The following VAV2 variants were observed in gnomAD, a reference collection of about 807,000 sequenced individuals.
VAV2 encodes vav guanine nucleotide exchange factor 2.
Under a neutral mutation model 132.5 loss-of-function variants are expected in VAV2, and 67 were observed. The ratio of observed to expected loss-of-function variants is 0.51; its 90% CI spans 0.42 to 0.62. The LOEUF (loss-of-function observed/expected upper bound fraction) is 0.62, where lower values mean the gene tolerates loss of function less well. Among genes scored for constraint, VAV2 ranks in the 20% least tolerant of loss-of-function variants. The pLI is 0.00. For missense variants in VAV2, 938 were observed against 1,153.6 expected, an observed-to-expected ratio of 0.81 and a Z score of 2.71; for synonymous variants, 492 against 443.5, an observed-to-expected ratio of 1.11 and a Z score of -1.37.
At chr9:133,790,496 C>T (rs1374425158) in intron 13 of VAV2, among the ~76,000 whole-genome samples, 1 of 152,148 alleles carries the variant, frequency 6.6e-6, no homozygotes, top group Non-Finnish European at 1.5e-5. Context: ...GTTTAATGAA[C>T]AAGTATTACT....
At chr9:133,895,603 C>T (rs1288166452) in intron 2 of VAV2, among the ~76,000 whole-genome samples, 1 of 151,772 alleles carries the variant, frequency 6.6e-6, no homozygotes, top group African/African-American at 2.4e-5. Context: ...CAGGCAAATC[C>T]ACAGCAATTT....
At chr9:133,782,338 G>C (rs1205158505) in intron 19 of VAV2, among the ~76,000 whole-genome samples, 1 of 152,142 alleles carries the variant, frequency 6.6e-6, no homozygotes, top group African/African-American at 2.4e-5. Flanking sequence ...GCGACCACGA[G>C]AGGGCAGTAT....
chr9:133,768,717 GAGGA>G lies in VAV2; in HGVS notation c.2435-125_2435-122del, dbSNP rs1015443117. 2.3e-5 allele frequency: 29 copies of G among 1,268,916 alleles called. No homozygotes were observed. Among genetic ancestry groups the G allele is most frequent in the African/African-American group, 7.5e-5 (5 of 66,530 alleles). The allele number at this position is 1,268,916 out of a possible 1,614,324, so 78.6% of individuals were successfully genotyped here. A position where few individuals can be genotyped will look rare whatever the true frequency, so the allele number is the denominator to read the frequency against. On this transcript the variant is annotated intron_variant, in intron 28 of 29. Coordinates refer to ENST00000371850, the MANE Select transcript of VAV2 (RefSeq NM_001134398.2). The surrounding 1 kb of genome is among the most constrained non-coding windows in gnomAD (Gnocchi z 5.3). The stretch of plus-strand genomic sequence containing the variant: ...CCCAGAACCCTGCTCTGTACCCAGA[GAGGA>G]AGGATGTCAAGCAGAAAGGCTCTGG...
intron 25 of VAV2, among the ~76,000 whole-genome samples, chr9:133,773,771 T>C (rs780860981): frequency 6.6e-6 from 1 of 152,190 alleles, no homozygotes; most frequent in Non-Finnish European, 1.5e-5. Flanking sequence ...AGGAGTATGC[T>C]CTAAAATAAA....
chr9:133,858,325 T>TGAGG (rs1305736546), intron 3 of VAV2, among the ~76,000 whole-genome samples: 1 of 152,138 alleles, frequency 6.6e-6, no homozygotes, highest in Admixed American at 6.5e-5. Flanking sequence ...CGGCCACCAG[T>TGAGG]GAGGACCCGC....
At chr9:133,789,044 G>C (rs1179574661) in intron 14 of VAV2, among the ~76,000 whole-genome samples, 1 of 152,236 alleles carries the variant, frequency 6.6e-6, no homozygotes, top group Non-Finnish European at 1.5e-5. Flanking sequence ...GCCCAGCCTG[G>C]TGCCCGCCAC....
Position 133,866,444 on chromosome 9 carries a change from G to T in VAV2, c.322-5012C>A, listed in dbSNP as rs530283327. On this transcript the variant is annotated intron_variant, in intron 2 of 29. Transcript: ENST00000371850. Reference sequence around the variant, plus strand: ...AATCACCATGAGCCTGCAGCCCATCGGTGGGAGTGAGGACACGCCTACTCA... The same window carrying T: ...AATCACCATGAGCCTGCAGCCCATCTGTGGGAGTGAGGACACGCCTACTCA... 7.3e-4 allele frequency among the ~76,000 whole-genome samples: 111 copies of T among 152,256 alleles called. 2 individuals are homozygous for T. Among genetic ancestry groups the T allele is most frequent in the African/African-American group, 2.5e-3 (104 of 41,544 alleles).
At chr9:133,947,975 G>A (rs896598255) in intron 1 of VAV2, among the ~76,000 whole-genome samples, 1 of 152,054 alleles carries the variant, frequency 6.6e-6, no homozygotes, top group Non-Finnish European at 1.5e-5. Context: ...ATTTTTAGTA[G>A]AGACAGGCTT....
At chr9:133,955,813 C>A (rs1237148191) in intron 1 of VAV2, among the ~76,000 whole-genome samples, 1 of 73,512 alleles carries the variant, frequency 1.4e-5, no homozygotes, top group African/African-American at 6.6e-5. Flanking sequence ...CACTCCTACT[C>A]CTCCCCACTC....
chr9:133,782,075 G>C (rs549517759), intron 19 of VAV2, among the ~76,000 whole-genome samples: 1 of 150,846 alleles, frequency 6.6e-6, no homozygotes, highest in Non-Finnish European at 1.5e-5. Context: ...AATTTTCTAC[G>C]GAAAATCAGT....
At chr9:133,941,402 C>T (rs1486687053) in intron 1 of VAV2, among the ~76,000 whole-genome samples, 7 of 115,844 alleles carry the variant, frequency 6.0e-5, no homozygotes, top group Non-Finnish European at 1.3e-4. Flanking sequence ...AGCGAGACTC[C>T]GTCTCAAAAA....
chr9:133,961,514 G>A lies in VAV2; in HGVS notation c.205-22295C>T, dbSNP rs1043779480. On this transcript the variant is annotated intron_variant, in intron 1 of 29. Coordinates refer to ENST00000371850, the MANE Select transcript of VAV2 (RefSeq NM_001134398.2). The surrounding 1 kb of genome is among the most constrained non-coding windows in gnomAD (Gnocchi z 4.1). ...GTGACCCAAGGTCAGAGGCATGGAG[G>A]GAGCCCTTTCCCACCCCCCGCTCAA... Among the ~76,000 whole-genome samples, 2 of 152,134 alleles carry A rather than the reference G, an allele frequency of 1.3e-5. No homozygotes were observed. The highest frequency in any genetic ancestry group is 2.9e-5 in the Non-Finnish European group (2 of 68,022).
chr9:133,846,395 C>T (rs748312055), intron 3 of VAV2, among the ~76,000 whole-genome samples: 11 of 152,372 alleles, frequency 7.2e-5, no homozygotes, highest in East Asian at 5.8e-4. Flanking sequence ...CCCACCTGGG[C>T]GTCCACAGCA....
chr9:133,775,885 C>A (rs997476574), intron 24 of VAV2, 143 bp downstream of exon 24: 77 of 1,130,540 alleles, frequency 6.8e-5, no homozygotes, highest in Non-Finnish European at 8.0e-5. Context: ...AGCCACTGGG[C>A]TCAGTGCCCT....
At chr9:133,950,711 T>A (rs897658000) in intron 1 of VAV2, among the ~76,000 whole-genome samples, 16 of 152,322 alleles carry the variant, frequency 1.1e-4, no homozygotes, top group South Asian at 1.0e-3. Context: ...GACGCACGCC[T>A]GCGCCTCGGC....
intron 2 of VAV2, among the ~76,000 whole-genome samples, chr9:133,894,740 G>A (rs534297729): frequency 3.3e-5 from 5 of 152,296 alleles, no homozygotes; most frequent in African/African-American, 9.6e-5. Context: ...CACCCCAAGA[G>A]GCTCCAGATC....
chr9:133,862,745 G>A (rs79710754), intron 2 of VAV2, among the ~76,000 whole-genome samples: 4,581 of 152,312 alleles, frequency 0.03, 213 homozygotes, highest in African/African-American at 0.1. Flanking sequence ...GCCATCCTGC[G>A]CTGCACATTT....
chr9:133,992,024 G>A lies in VAV2; in HGVS notation c.204+51C>T. 7.0e-7 allele frequency: 1 copy of A among 1,423,444 alleles called. No homozygotes were observed. The highest frequency in any genetic ancestry group is 9.3e-7 in the Non-Finnish European group (1 of 1,078,376). The allele number at this position is 1,423,444 out of a possible 1,614,324, so 88.2% of individuals were successfully genotyped here. The stretch of plus-strand genomic sequence containing the variant: ...ACCTCCGCGTTCAGTCCGCGCGTCG[G>A]GCAGCGCGAACGCCGCCTCCCCGGG... On this transcript the variant is annotated intron_variant, in intron 1 of 29. Coordinates refer to ENST00000371850, the MANE Select transcript of VAV2 (RefSeq NM_001134398.2). This position sits in a 1 kb window ranked among gnomAD's most constrained non-coding sequence, Gnocchi z 5.5.
rs1223370190 is a variant in VAV2, at chr9:133,827,229, C to T, written c.449+7043G>A. ...TGGGCATCGCCAGCTACTGCTGTGC[C>T]CACTGGGGCTGACCACTGAGCGGGG... On this transcript the variant is annotated intron_variant, in intron 4 of 29. Transcript: ENST00000371850. 1.9e-4 allele frequency among the ~76,000 whole-genome samples: 20 copies of T among 103,198 alleles called. 3 individuals are homozygous for T. The highest frequency in any genetic ancestry group is 6.9e-4 in the African/African-American group (19 of 27,700). The allele number at this position is 103,198 out of a possible 152,430, so 67.7% of individuals were successfully genotyped here. A position where few individuals can be genotyped will look rare whatever the true frequency, so the allele number is the denominator to read the frequency against.
Sources: allele counts gnomAD v4.1 joint callset (sites outside exome capture counted in the v4.1 genomes callset), GRCh38; gene constraint gnomAD v4.1.1; non-coding constraint Gnocchi (gnomAD v3.1); transcripts MANE v1.5; gene names NCBI Gene and HGNC (gene_info 2026-07-23, HGNC 2026-07-21).